Variants in GRIA3 observed in about 807,000 individuals in gnomAD.
GRIA3 encodes the protein glutamate ionotropic receptor AMPA type subunit 3, also known as glutamate receptor 3.
GRIA3 carries 3 observed loss-of-function variants against 63.0 expected under a neutral mutation model. That is an observed-to-expected ratio of 0.05 (90% CI 0.02 to 0.12). The LOEUF is 0.12. Among genes scored for constraint, GRIA3 ranks in the 10% least tolerant of loss-of-function variants. The probability of loss-of-function intolerance (pLI) is 1.00; values close to 1 mark genes in which losing one functional copy is unlikely to be tolerated. For synonymous variants in GRIA3, 274 were observed against 257.9 expected, an observed-to-expected ratio of 1.06 and a Z score of -0.60; for missense variants, 347 against 700.9, an observed-to-expected ratio of 0.50 and a Z score of 5.70.
chrX:123,338,860 A>G (rs1311875359), intron 4 of GRIA3, among the ~76,000 whole-genome samples: 1 of 112,475 alleles, frequency 8.9e-6, no homozygotes, highest in African/African-American at 3.2e-5. Context: ...CCATCAAACT[A>G]TATTTTTTAA....
rs780334060 is a variant in GRIA3 at position 123,217,363 on chromosome X, A to G, written c.268+31373A>G. ...AGGGTGGAGGAAAGAAGCAACAGAC[A>G]GACAAACTCCCTGTCCTCAGCATCA... On this transcript the variant is annotated intron_variant, in intron 2 of 15. Coordinates refer to ENST00000620443, the MANE Select transcript of GRIA3 (RefSeq NM_007325.5). 1.9e-3 allele frequency among the ~76,000 whole-genome samples: 216 copies of G among 111,792 alleles called. 1 individual carries two copies. Among genetic ancestry groups the G allele is most frequent in the African/African-American group, 6.6e-3 (204 of 30,756 alleles).
chrX:123,246,869 T>A (rs4825845), intron 2 of GRIA3, among the ~76,000 whole-genome samples: 1 of 102,896 alleles, frequency 9.7e-6, no homozygotes, highest in African/African-American at 3.5e-5. Context: ...TAGAGAAAAG[T>A]ACTGTCTTTC....
At chrX:123,342,526 T>C (rs908700075) in intron 4 of GRIA3, among the ~76,000 whole-genome samples, 9 of 112,063 alleles carry the variant, frequency 8.0e-5, no homozygotes, top group Admixed American at 5.7e-4. Context: ...AGGATCAAAA[T>C]ACATTGTCAG....
At chrX:123,433,385 T>C (rs5911620) in intron 12 of GRIA3, among the ~76,000 whole-genome samples, 51,502 of 111,081 alleles carry the variant, frequency 0.46, 9,487 homozygotes, top group Non-Finnish European at 0.58. Flanking sequence ...TCATATCTCT[T>C]ATTTCACTAT....
At chrX:123,380,201 T>A (rs1357328260) in intron 5 of GRIA3, among the ~76,000 whole-genome samples, 1 of 111,423 alleles carries the variant, frequency 9.0e-6, no homozygotes, top group Non-Finnish European at 1.9e-5. Flanking sequence ...TAGTTCTAGA[T>A]CCCTGAGGAA....
intron 6 of GRIA3, among the ~76,000 whole-genome samples, chrX:123,395,900 A>C (rs2147379269): frequency 9.0e-6 from 1 of 111,012 alleles, no homozygotes; most frequent in African/African-American, 3.3e-5. Context: ...TTCCTGATAT[A>C]GTGAAAGTAT....
At chrX:123,477,645 G>T (rs1260136480) in intron 13 of GRIA3, among the ~76,000 whole-genome samples, 5 of 111,839 alleles carry the variant, frequency 4.5e-5, no homozygotes, top group Admixed American at 9.5e-5. Context: ...GGATCCTCCG[G>T]GGGTCCCTGG....
chrX:123,346,093 T>A (rs2147345190), intron 4 of GRIA3, among the ~76,000 whole-genome samples: 1 of 111,900 alleles, frequency 8.9e-6, no homozygotes, highest in Admixed American at 9.5e-5. Flanking sequence ...ATATTTAAGT[T>A]GATTGCCCAA....
At chrX:123,215,685 TATC>T (rs1225949034) in intron 2 of GRIA3, among the ~76,000 whole-genome samples, 2 of 111,966 alleles carry the variant, frequency 1.8e-5, no homozygotes, top group Non-Finnish European at 3.8e-5. Flanking sequence ...AAGTTGCTCA[TATC>T]ATAGTAGTGA....
intron 5 of GRIA3, among the ~76,000 whole-genome samples, chrX:123,390,657 T>G (rs1023711137): frequency 8.9e-6 from 1 of 112,124 alleles, no homozygotes; most frequent in Non-Finnish European, 1.9e-5. Flanking sequence ...CTGAGCTTCC[T>G]GTATTTGTAT....
intron 3 of GRIA3, among the ~76,000 whole-genome samples, chrX:123,317,673 C>A (rs747829563): frequency 1.8e-5 from 2 of 112,098 alleles, no homozygotes; most frequent in South Asian, 7.5e-4. Context: ...CAGCTCCACC[C>A]CTGTGGCTTT....
At chrX:123,233,590 G>A (rs2044286938) in intron 2 of GRIA3, among the ~76,000 whole-genome samples, 1 of 111,679 alleles carries the variant, frequency 9.0e-6, no homozygotes, top group Admixed American at 9.5e-5. Context: ...ACAGCCCCTT[G>A]TCAAAGTTCT....
intron 3 of GRIA3, among the ~76,000 whole-genome samples, chrX:123,306,050 C>A (rs763703189): frequency 1.1e-4 from 12 of 111,478 alleles, no homozygotes; most frequent in African/African-American, 3.6e-4. Flanking sequence ...TTATAATAGA[C>A]CCTCAGATTG....
intron 3 of GRIA3, among the ~76,000 whole-genome samples, chrX:123,264,036 G>C (rs754359576): frequency 8.9e-6 from 1 of 112,181 alleles, no homozygotes; most frequent in Non-Finnish European, 1.9e-5. Flanking sequence ...CCCATAGTGA[G>C]CTATTAAGGG....
chrX:123,412,609 A>G (rs1309464589), intron 10 of GRIA3, among the ~76,000 whole-genome samples: 3 of 111,691 alleles, frequency 2.7e-5, no homozygotes, highest in Non-Finnish European at 5.6e-5. Context: ...TACCAAACAT[A>G]CAAGAAAGGA....
chrX:123,410,778 G>A (rs2045500762), intron 10 of GRIA3, among the ~76,000 whole-genome samples: 1 of 111,617 alleles, frequency 9.0e-6, no homozygotes, highest in Non-Finnish European at 1.9e-5. Context: ...GACACATGAA[G>A]TATGCCATTC....
At position 123,427,941 on chromosome X, in the gene GRIA3, A is replaced by G. The variant is rs1485768409; in HGVS notation, c.1878A>G (p.Arg626=). 8.4e-7 allele frequency: 1 copy of G among 1,190,656 alleles called. No homozygotes were observed. Among genetic ancestry groups the G allele is most frequent in the Admixed American group, 2.2e-5 (1 of 45,888 alleles). ...GATTTGTTTTTGTTTTGTTTTATAGATCACTCTCCGGGCGCATTGTTGGAG... is the reference window on the plus strand; with the variant it reads ...GATTTGTTTTTGTTTTGTTTTATAGGTCACTCTCCGGGCGCATTGTTGGAG... The part of the protein sequence containing the change: ...FMQQGCDISP[R]SLSGRIVGGV... The change falls in exon 12 of 16, where the codon AGA becomes AGG. Residue 626 remains arginine, a splice_region_variant and synonymous_variant. Transcript: ENST00000620443.
intron 13 of GRIA3, 110 bp downstream of exon 13, chrX:123,465,222 T>A: frequency 1.3e-6 from 1 of 768,371 alleles, no homozygotes; most frequent in Non-Finnish European, 2.0e-6. Flanking sequence ...TTTAAAAGTT[T>A]AAAATCTACA....
intron 3 of GRIA3, among the ~76,000 whole-genome samples, chrX:123,277,091 GTT>G (rs145392989): frequency 1.3e-4 from 13 of 102,647 alleles, no homozygotes; most frequent in South Asian, 8.9e-4. Flanking sequence ...TCCTCTGCCT[GTT>G]TTTTTTTTAA....
Sources: gnomAD v4.1 joint callset for allele counts (sites outside exome capture counted in the v4.1 genomes callset) on GRCh38, gnomAD v4.1.1 for gene constraint, MANE v1.5 for transcripts, NCBI Gene and HGNC (gene_info 2026-07-23, HGNC 2026-07-21) for gene names.